The following CNTN4 variants were observed in gnomAD, a reference collection of about 807,000 sequenced individuals.
The protein encoded by CNTN4 is contactin 4.
In CNTN4, 77 loss-of-function variants were observed where a neutral mutation model predicts 122.5. That is an observed-to-expected ratio of 0.63 (90% CI 0.52 to 0.76). The LOEUF (loss-of-function observed/expected upper bound fraction) is 0.76. Among genes scored for constraint, CNTN4 ranks in the 30% least tolerant of loss-of-function variants. The pLI, the probability that CNTN4 is intolerant of heterozygous loss-of-function variation, is 0.00. For synonymous variants in CNTN4, 512 were observed against 447.0 expected (o/e 1.15, Z -1.83); for missense variants, 1,256 against 1,259.1 (o/e 1.00, Z 0.04).
At position 2,222,988 on chromosome 3, in the gene CNTN4, C is replaced by T. The variant is rs544767709; in HGVS notation, c.-144-116190C>T. On this transcript the variant is annotated intron_variant, in intron 2 of 24. Transcript: ENST00000418658. ...CCACCACGATGACTTAAGTATATCA[C>T]AGGGAAGTCACATTGCTTGTGCTAC... Among the ~76,000 whole-genome samples, 4 of 152,330 alleles carry T rather than the reference C, an allele frequency of 2.6e-5. No individual in the cohort carries two copies. The South Asian group carries it at 8.3e-4, about 32-fold the overall frequency.
intron 3 of CNTN4, among the ~76,000 whole-genome samples, chr3:2,431,823 C>T (rs549131481): frequency 6.6e-6 from 1 of 152,080 alleles, no homozygotes; most frequent in East Asian, 1.9e-4. Flanking sequence ...ATTTTTGCAC[C>T]AACAACTGGA....
chr3:2,942,990 G>A (rs754399068), intron 13 of CNTN4, among the ~76,000 whole-genome samples: 23 of 152,092 alleles, frequency 1.5e-4, no homozygotes, highest in Non-Finnish European at 2.2e-4. Context: ...GTATAAGGAC[G>A]GATTAGAAGG....
chr3:2,512,304 T>C (rs544443124), intron 3 of CNTN4, among the ~76,000 whole-genome samples: 1 of 152,284 alleles, frequency 6.6e-6, no homozygotes, highest in Non-Finnish European at 1.5e-5. Context: ...TAAGAGTCTG[T>C]GTTTAGCCCC....
chr3:2,350,321 G>A (rs1156660118), intron 3 of CNTN4, among the ~76,000 whole-genome samples: 1 of 152,186 alleles, frequency 6.6e-6, no homozygotes, highest in East Asian at 1.9e-4. Context: ...AGGATTAGGA[G>A]AGCAGGTGAT....
intron 2 of CNTN4, among the ~76,000 whole-genome samples, chr3:2,226,272 T>G (rs1396648952): frequency 2.0e-5 from 3 of 152,204 alleles, no homozygotes. Flanking sequence ...CGTCTACATT[T>G]TGACACTCCC....
intron 7 of CNTN4, among the ~76,000 whole-genome samples, chr3:2,852,800 T>G (rs1577057742): frequency 6.6e-6 from 1 of 152,356 alleles, no homozygotes; most frequent in East Asian, 1.9e-4. Context: ...ATATTTATTT[T>G]AAAATAGAAC....
chr3:2,268,812 A>G (rs1402185218), intron 2 of CNTN4, among the ~76,000 whole-genome samples: 1 of 152,178 alleles, frequency 6.6e-6, no homozygotes, highest in Non-Finnish European at 1.5e-5. Flanking sequence ...AAGTTAAAAC[A>G]TGTAAGATAT....
intron 3 of CNTN4, among the ~76,000 whole-genome samples, chr3:2,413,768 T>G (rs2047313646): frequency 1.3e-5 from 2 of 152,322 alleles, no homozygotes; most frequent in Admixed American, 1.3e-4. Flanking sequence ...TTGGAACTCC[T>G]GACCTCAAGT....
chr3:2,272,816 T>G (rs201876367), intron 2 of CNTN4, among the ~76,000 whole-genome samples: 3 of 151,628 alleles, frequency 2.0e-5, no homozygotes, highest in Admixed American at 6.6e-5. Flanking sequence ...GAGCCTTTTT[T>G]TTTTTATTTA....
chr3:2,516,906 G>A (rs185027069), intron 3 of CNTN4, among the ~76,000 whole-genome samples: 25 of 152,026 alleles, frequency 1.6e-4, no homozygotes, highest in African/African-American at 5.8e-4. Context: ...ATAGAAATTT[G>A]AGTGCCCTGC....
chr3:2,279,807 C>T (rs921247675), intron 2 of CNTN4, among the ~76,000 whole-genome samples: 2 of 151,186 alleles, frequency 1.3e-5, no homozygotes, highest in Admixed American at 6.6e-5. Context: ...TCTAAAAATT[C>T]TCACAATTCT....
At chr3:2,396,046 T>A (rs1282705998) in intron 3 of CNTN4, among the ~76,000 whole-genome samples, 3 of 150,826 alleles carry the variant, frequency 2.0e-5, no homozygotes, top group African/African-American at 2.4e-5. Flanking sequence ...TGTTGTTATT[T>A]TTTTTTTTTT....
chr3:2,558,755 T>G (rs1305227604), intron 3 of CNTN4, among the ~76,000 whole-genome samples: 3 of 152,180 alleles, frequency 2.0e-5, no homozygotes, highest in South Asian at 4.1e-4. Context: ...GCCTAAAAAT[T>G]ATTATACTGC....
chr3:2,105,129 C>T (rs1338167926), intron 2 of CNTN4, among the ~76,000 whole-genome samples: 2 of 152,124 alleles, frequency 1.3e-5, no homozygotes, highest in Non-Finnish European at 1.5e-5. Context: ...TCCATGTATG[C>T]CTTTGAACTA....
rs562605205 is a variant in CNTN4, at chr3:2,758,764, C to G, written c.358+13067C>G. 1.1e-4 allele frequency among the ~76,000 whole-genome samples: 17 copies of G among 152,152 alleles called. No individual in the cohort carries two copies. The South Asian group carries it at 3.5e-3, about 32-fold the overall frequency. On this transcript the variant is annotated intron_variant, in intron 6 of 24. Transcript: ENST00000418658. Reference sequence around the variant, plus strand: ...TCAAGTGATCCACCTGCCTCGGCCTCCTAAGGTGCTGGAATTACAGGCGGG... The same window carrying G: ...TCAAGTGATCCACCTGCCTCGGCCTGCTAAGGTGCTGGAATTACAGGCGGG...
At chr3:2,408,037 C>T (rs145680711) in intron 3 of CNTN4, among the ~76,000 whole-genome samples, 3 of 152,234 alleles carry the variant, frequency 2.0e-5, no homozygotes, top group Admixed American at 6.5e-5. Context: ...GTGTGTCAAA[C>T]GTTGTTTTAA....
At chr3:2,900,657 C>G in intron 10 of CNTN4, 28 bp from the exon 11 acceptor site, 2 of 1,611,290 alleles carry the variant, frequency 1.2e-6, no homozygotes, top group South Asian at 2.2e-5. Context: ...TGAATATACA[C>G]CTTTCTTTGC....
chr3:2,753,744 A>G (rs2090205098), intron 6 of CNTN4, among the ~76,000 whole-genome samples: 1 of 152,206 alleles, frequency 6.6e-6, no homozygotes, highest in African/African-American at 2.4e-5. Context: ...TGCATTAACA[A>G]TCTTTGATAT....
intron 10 of CNTN4, among the ~76,000 whole-genome samples, chr3:2,894,900 C>T (rs184620568): frequency 2.0e-5 from 3 of 152,100 alleles, no homozygotes; most frequent in Admixed American, 6.5e-5. Flanking sequence ...GGACAAAGAC[C>T]CTTATTCACC....
Sources: gnomAD v4.1 joint callset for allele counts (sites outside exome capture counted in the v4.1 genomes callset) on GRCh38, gnomAD v4.1.1 for gene constraint, MANE v1.5 for transcripts, NCBI Gene and HGNC (gene_info 2026-07-23, HGNC 2026-07-21) for gene names.